CUX1: variants seen among roughly 807,000 people sequenced by gnomAD.
CUX1 encodes cut like homeobox 1.
CUX1 carries 31 observed loss-of-function variants against 158.8 expected under a neutral mutation model. The ratio of observed to expected loss-of-function variants is 0.20; its 90% CI spans 0.15 to 0.26. The LOEUF is 0.26. CUX1 is among the 10% of genes least tolerant of loss of function. CUX1 has a pLI of 1.00. For synonymous variants in CUX1, 879 were observed against 862.1 expected (o/e 1.02, Z -0.34); for missense variants, 1,589 against 2,014.6 (o/e 0.79, Z 4.04).
intron 22 of CUX1, among the ~76,000 whole-genome samples, chr7:102,236,472 C>T (rs1473183167): frequency 6.6e-6 from 1 of 152,194 alleles, no homozygotes; most frequent in African/African-American, 2.4e-5. Context: ...TTTAAAGTCT[C>T]GCTATATTGC....
At chr7:101,913,551 C>A in intron 1 of CUX1, 2 of 340,386 alleles carry the variant, frequency 5.9e-6, no homozygotes, top group Non-Finnish European at 4.8e-6. Context: ...ACGGAGGGGG[C>A]CCACAGACCC....
chr7:102,005,316 G>A (rs950705846), intron 2 of CUX1, among the ~76,000 whole-genome samples: 2 of 152,146 alleles, frequency 1.3e-5, no homozygotes, highest in African/African-American at 2.4e-5. Context: ...GTTCGAGACC[G>A]GCCTGGTTTT....
chr7:101,939,168 C>T (rs1807394978), intron 2 of CUX1, among the ~76,000 whole-genome samples: 1 of 145,176 alleles, frequency 6.9e-6, no homozygotes, highest in East Asian at 2.1e-4. Flanking sequence ...TCAGTCCCTT[C>T]CCCCACCCTC....
chr7:102,248,263 C>T lies in CUX1; in HGVS notation c.3888-149C>T, dbSNP rs1801034089. 1 of 688,748 alleles carries T rather than the reference C, an allele frequency of 1.5e-6. No individual in the cohort carries two copies. The highest frequency in any genetic ancestry group is 2.3e-6 in the Non-Finnish European group (1 of 437,428). The allele number at this position is 688,748 out of a possible 1,614,324, so 42.7% of individuals were successfully genotyped here. On this transcript the variant is annotated intron_variant, in intron 23 of 23. Coordinates refer to ENST00000292535, the MANE Select transcript of CUX1 (RefSeq NM_181552.4). This position sits in a 1 kb window ranked among gnomAD's most constrained non-coding sequence, Gnocchi z 5.8. The stretch of plus-strand genomic sequence containing the variant: ...TGGTGACTCTGGAGAGGGGCTGCCC[C>T]GTGGCCCGAGGGTCGCTGGAGGGGC...
intron 9 of CUX1, chr7:102,161,299 G>C (rs1216819202): frequency 6.6e-6 from 1 of 152,198 alleles, no homozygotes; most frequent in Non-Finnish European, 1.5e-5. Flanking sequence ...AGTGAGCTAT[G>C]ATTGCACCAC....
At chr7:101,837,719 T>C (rs894413702) in intron 1 of CUX1, among the ~76,000 whole-genome samples, 1 of 149,970 alleles carries the variant, frequency 6.7e-6, no homozygotes, top group Admixed American at 6.8e-5. Context: ...TGTTCCCAGC[T>C]ACTCAGGAGG....
At chr7:101,984,965 A>G (rs1245949240) in intron 2 of CUX1, among the ~76,000 whole-genome samples, 2 of 151,936 alleles carry the variant, frequency 1.3e-5, no homozygotes, top group African/African-American at 2.4e-5. Context: ...TCAGGCAAGG[A>G]CTCCTGCCAT....
rs1413416833 is a variant in CUX1, at chr7:102,034,042, A to G, written c.189+5897A>G. 4.8e-5 allele frequency among the ~76,000 whole-genome samples: 7 copies of G among 145,034 alleles called. No individual in the cohort carries two copies. The Admixed American group carries it at 5.1e-4, about 11-fold the overall frequency. ...GCACCTGTAATCCCGGCTACTTGGG[A>G]GGCTGAGGCAGGAGAATCGCTTAAA... On this transcript the variant is annotated intron_variant, in intron 3 of 23. Transcript: ENST00000292535.
chr7:101,849,216 A>C (rs1584752425), intron 1 of CUX1, among the ~76,000 whole-genome samples: 1 of 151,974 alleles, frequency 6.6e-6, no homozygotes, highest in Admixed American at 6.6e-5. Context: ...GACATAGGTA[A>C]ACTTTTGTCA....
intron 8 of CUX1, among the ~76,000 whole-genome samples, chr7:102,151,811 A>C (rs942646035): frequency 6.6e-6 from 1 of 151,356 alleles, no homozygotes; most frequent in Non-Finnish European, 1.5e-5. Context: ...CCTGGTCTGC[A>C]AACACTGATG....
intron 6 of CUX1, 94 bp from the exon 7 acceptor site, chr7:102,111,604 G>C: frequency 8.5e-7 from 1 of 1,170,724 alleles, no homozygotes; most frequent in Non-Finnish European, 1.3e-6. Flanking sequence ...CGCCAGCTGA[G>C]CGCAGGGAGG....
At chr7:102,032,159 G>A (rs1461077150) in intron 3 of CUX1, among the ~76,000 whole-genome samples, 1 of 151,770 alleles carries the variant, frequency 6.6e-6, no homozygotes, top group African/African-American at 2.4e-5. Flanking sequence ...GAACTCCTGA[G>A]CTCCAGTGAT....
chr7:102,250,085 G>T lies in CUX1; in HGVS notation c.*1043G>T. ...AAGAAAAAAAAAAAAGAAAAGATCC[G>T]AATCTAGGTATTTTATAATCTGCTT... On this transcript the variant is annotated 3_prime_UTR_variant, in exon 24 of 24. Coordinates refer to ENST00000292535, the MANE Select transcript of CUX1 (RefSeq NM_181552.4). The T allele has an allele frequency of 1.0e-6, 1 of 984,436 alleles. No individual in the cohort carries two copies. Among genetic ancestry groups the T allele is most frequent in the African/African-American group, 1.8e-5 (1 of 57,134 alleles). 61.0% of individuals were successfully genotyped at this position (984,436 alleles called of 1,614,324 possible). A position where few individuals can be genotyped will look rare whatever the true frequency, so the allele number is the denominator to read the frequency against.
intron 5 of CUX1, among the ~76,000 whole-genome samples, chr7:102,103,004 C>T (rs782075187): frequency 6.6e-6 from 1 of 152,178 alleles, no homozygotes; most frequent in African/African-American, 2.4e-5. Context: ...TCATCAAATC[C>T]GCTTTGATAT....
chr7:102,083,921 C>T (rs1827702330), intron 4 of CUX1, among the ~76,000 whole-genome samples: 1 of 146,384 alleles, frequency 6.8e-6, no homozygotes, highest in Non-Finnish European at 1.5e-5. Context: ...AATCTCGCTT[C>T]ATCACCAAGG....
chr7:102,132,232 G>C (rs1049630724), intron 8 of CUX1, among the ~76,000 whole-genome samples: 26 of 151,140 alleles, frequency 1.7e-4, no homozygotes, highest in African/African-American at 6.3e-4. Context: ...ATGGACAGAC[G>C]GATGGGCAGA....
At chr7:101,948,029 G>A (rs1402980929) in intron 2 of CUX1, among the ~76,000 whole-genome samples, 2 of 152,076 alleles carry the variant, frequency 1.3e-5, no homozygotes, top group African/African-American at 4.8e-5. Flanking sequence ...TTATCTCTGC[G>A]TCACTGCCGA....
At chr7:102,167,280 AG>A (rs1326389273) in intron 9 of CUX1, among the ~76,000 whole-genome samples, 3 of 151,608 alleles carry the variant, frequency 2.0e-5, no homozygotes, top group African/African-American at 7.3e-5. Flanking sequence ...AAAAAAAAAA[AG>A]AAAAGAAAAG....
At chr7:101,949,275 G>A (rs1014986928) in intron 2 of CUX1, among the ~76,000 whole-genome samples, 2 of 151,836 alleles carry the variant, frequency 1.3e-5, no homozygotes, top group African/African-American at 4.8e-5. Context: ...GGGACTACAG[G>A]CGCCCGCCAC....
Sources: gnomAD v4.1 joint callset for allele counts (sites outside exome capture counted in the v4.1 genomes callset) on GRCh38, gnomAD v4.1.1 for gene constraint, Gnocchi (gnomAD v3.1) non-coding constraint, MANE v1.5 for transcripts, NCBI Gene and HGNC (gene_info 2026-07-23, HGNC 2026-07-21) for gene names.